IQCM: variants seen among roughly 807,000 people sequenced by gnomAD.
IQCM encodes the protein IQ domain-containing protein M.
IQCM carries 45 observed loss-of-function variants against 57.6 expected under a neutral mutation model. The observed-to-expected ratio is 0.78, with a 90% CI of 0.62 to 1.00. The LOEUF is 1.00. Among genes scored for constraint, IQCM ranks in the 50% least tolerant of loss-of-function variants. The pLI is 0.00. For synonymous variants in IQCM, 148 were observed against 158.9 expected (o/e 0.93, Z 0.51); for missense variants, 468 against 511.6 (o/e 0.91, Z 0.82).
chr4:149,471,834 C>T (rs190496337), intron 12 of IQCM, among the ~76,000 whole-genome samples: 15 of 152,232 alleles, frequency 9.9e-5, no homozygotes, highest in South Asian at 6.2e-4. Context: ...AATTAATAAA[C>T]GTAATCCATC....
chr4:149,797,863 A>G (rs1000138031), intron 2 of IQCM, among the ~76,000 whole-genome samples: 1 of 152,020 alleles, frequency 6.6e-6, no homozygotes, highest in Non-Finnish European at 1.5e-5. Flanking sequence ...TGAAGGAGAA[A>G]TAAAGACTTT....
intron 13 of IQCM, among the ~76,000 whole-genome samples, chr4:149,388,553 A>G (rs1731602101): frequency 1.5e-5 from 2 of 133,576 alleles, no homozygotes; most frequent in Admixed American, 7.9e-5. Flanking sequence ...TATAATATAT[A>G]TAATATATTT....
At chr4:149,488,906 G>A (rs746970643) in intron 12 of IQCM, among the ~76,000 whole-genome samples, 1 of 152,072 alleles carries the variant, frequency 6.6e-6, no homozygotes, top group Non-Finnish European at 1.5e-5. Context: ...ATAGTGAGAA[G>A]GTAGACCTTT....
At chr4:149,594,974 A>G (rs1372588174) in intron 8 of IQCM, among the ~76,000 whole-genome samples, 1 of 152,042 alleles carries the variant, frequency 6.6e-6, no homozygotes, top group Non-Finnish European at 1.5e-5. Flanking sequence ...TATTAGGTCC[A>G]CTTGGTGCAG....
intron 12 of IQCM, among the ~76,000 whole-genome samples, chr4:149,538,234 A>C (rs1413004847): frequency 6.6e-6 from 1 of 151,770 alleles, no homozygotes; most frequent in African/African-American, 2.4e-5. Flanking sequence ...TGACAGTAAC[A>C]ACACAAAGGA....
intron 13 of IQCM, among the ~76,000 whole-genome samples, chr4:149,357,166 A>C (rs1729064286): frequency 6.6e-6 from 1 of 152,188 alleles, no homozygotes; most frequent in African/African-American, 2.4e-5. Flanking sequence ...GGGGTTTTCT[A>C]GATATACAAT....
At chr4:149,625,889 T>C (rs1756752266) in intron 7 of IQCM, among the ~76,000 whole-genome samples, 1 of 152,198 alleles carries the variant, frequency 6.6e-6, no homozygotes, top group South Asian at 2.1e-4. Context: ...CTAAATTATG[T>C]ACATCTAGTG....
At chr4:149,698,201 T>A (rs1412333288) in intron 5 of IQCM, among the ~76,000 whole-genome samples, 1 of 152,060 alleles carries the variant, frequency 6.6e-6, no homozygotes, top group African/African-American at 2.4e-5. Context: ...ACTATTCTTT[T>A]TAGCCATGTG....
In IQCM at chr4:149,712,055, C is replaced by G. The variant is rs182613854; in HGVS notation, c.385+21189G>C. 1.5e-3 allele frequency among the ~76,000 whole-genome samples: 228 copies of G among 152,192 alleles called. 1 individual carries two copies. The highest frequency in any genetic ancestry group is 5.3e-3 in the African/African-American group (219 of 41,522). On this transcript the variant is annotated intron_variant, in intron 5 of 13. Transcript: ENST00000636793. ...AGAAGGATTTGGCAGCAGGCTTGTT[C>G]CCCTGGTTCTTAGGCTGCTTCAGAG...
chr4:149,759,555 CAAATA>C (rs1468822423), intron 2 of IQCM, among the ~76,000 whole-genome samples: 5 of 151,970 alleles, frequency 3.3e-5, no homozygotes, highest in Non-Finnish European at 7.4e-5. Context: ...TCAAATAATA[CAAATA>C]AAATCCAGCA....
At chr4:149,581,877 T>A (rs748027573) in intron 9 of IQCM, among the ~76,000 whole-genome samples, 3 of 151,686 alleles carry the variant, frequency 2.0e-5, no homozygotes, top group Non-Finnish European at 4.4e-5. Flanking sequence ...GCTGGTCATG[T>A]CTTCCAAGGT....
intron 12 of IQCM, among the ~76,000 whole-genome samples, chr4:149,477,819 TG>T (rs1740360811): frequency 6.6e-6 from 1 of 151,930 alleles, no homozygotes; most frequent in African/African-American, 2.4e-5. Flanking sequence ...GAGGGTATAC[TG>T]GGGGGAAAAA....
intron 13 of IQCM, among the ~76,000 whole-genome samples, chr4:149,357,184 T>A (rs572616255): frequency 6.6e-6 from 1 of 152,236 alleles, no homozygotes; most frequent in South Asian, 2.1e-4. Flanking sequence ...AATCATGTCA[T>A]CTGCAAACAG....
At chr4:149,609,673 C>A (rs915430999) in intron 8 of IQCM, among the ~76,000 whole-genome samples, 1 of 151,788 alleles carries the variant, frequency 6.6e-6, no homozygotes, top group African/African-American at 2.4e-5. Flanking sequence ...AAGCATTTGA[C>A]AAAATTCAGC....
chr4:149,408,998 T>C (rs925699404), intron 13 of IQCM, among the ~76,000 whole-genome samples: 5 of 152,178 alleles, frequency 3.3e-5, no homozygotes, highest in Non-Finnish European at 7.3e-5. Flanking sequence ...AATACTTCTA[T>C]TTTCCAAACC....
chr4:149,455,064 T>C (rs1364618060), intron 12 of IQCM, among the ~76,000 whole-genome samples: 1 of 152,086 alleles, frequency 6.6e-6, no homozygotes, highest in African/African-American at 2.4e-5. Flanking sequence ...GGTGTGAAAG[T>C]GATAAACATT....
At chr4:149,562,514 T>G (rs1199280738) in intron 10 of IQCM, among the ~76,000 whole-genome samples, 3 of 152,170 alleles carry the variant, frequency 2.0e-5, no homozygotes, top group Non-Finnish European at 4.4e-5. Flanking sequence ...TCATCTCATT[T>G]TGGAGAAATT....
At chr4:149,515,896 G>A (rs7660389) in intron 12 of IQCM, among the ~76,000 whole-genome samples, 32,554 of 152,164 alleles carry the variant, frequency 0.21, 4,371 homozygotes, top group Non-Finnish European at 0.29. Flanking sequence ...TGTATCCCAT[G>A]TGAGTGCTTA....
intron 12 of IQCM, among the ~76,000 whole-genome samples, chr4:149,445,985 A>G (rs1736462971): frequency 1.3e-5 from 2 of 151,740 alleles, no homozygotes; most frequent in African/African-American, 4.8e-5. Context: ...AATAACGTCT[A>G]CTTCTCAATT....
Sources: allele counts gnomAD v4.1 joint callset (sites outside exome capture counted in the v4.1 genomes callset), GRCh38; gene constraint gnomAD v4.1.1; transcripts MANE v1.5; gene names NCBI Gene and HGNC (gene_info 2026-07-23, HGNC 2026-07-21).